The following DCC variants were observed in gnomAD, a reference collection of about 807,000 sequenced individuals.
DCC encodes netrin receptor DCC.
A neutral mutation model predicts 172.5 loss-of-function variants in DCC; 58 were observed. The ratio of observed to expected loss-of-function variants is 0.34; its 90% CI spans 0.27 to 0.42. The LOEUF (loss-of-function observed/expected upper bound fraction) is 0.42. DCC is among the 10% of genes least tolerant of loss of function. DCC has a pLI of 1.00. For missense variants in DCC, 1,740 were observed against 1,791.0 expected (o/e 0.97, Z 0.51); for synonymous variants, 709 against 644.5 (o/e 1.10, Z -1.52).
At chr18:53,268,091 A>G (rs1306038080) in intron 12 of DCC, among the ~76,000 whole-genome samples, 1 of 152,156 alleles carries the variant, frequency 6.6e-6, no homozygotes, top group African/African-American at 2.4e-5. Flanking sequence ...TTCCACTTGA[A>G]CACAGGCAGC....
intron 3 of DCC, among the ~76,000 whole-genome samples, chr18:52,921,728 T>TA (rs1176004105): frequency 9.7e-6 from 1 of 103,016 alleles, no homozygotes; most frequent in Non-Finnish European, 2.2e-5. Flanking sequence ...AATAATAATA[T>TA]ATATAAATGA....
At chr18:52,776,545 G>A (rs12959682) in intron 2 of DCC, among the ~76,000 whole-genome samples, 1,835 of 152,134 alleles carry the variant, frequency 0.012, 10 homozygotes, top group Non-Finnish European at 0.019. Flanking sequence ...GGGGAAGGAC[G>A]TTTACAAATA....
intron 1 of DCC, among the ~76,000 whole-genome samples, chr18:52,426,669 T>C (rs866128649): frequency 5.3e-5 from 8 of 152,068 alleles, no homozygotes; most frequent in South Asian, 2.1e-4. Flanking sequence ...CTGTTTGATC[T>C]GCTTTAGTTA....
chr18:52,535,520 G>T (rs1055652006), intron 1 of DCC, among the ~76,000 whole-genome samples: 1 of 152,206 alleles, frequency 6.6e-6, no homozygotes, highest in Admixed American at 6.5e-5. Context: ...TGTGAAGCTT[G>T]TGGGCAGACA....
chr18:52,696,472 A>G (rs1363794930), intron 1 of DCC, among the ~76,000 whole-genome samples: 2 of 152,250 alleles, frequency 1.3e-5, no homozygotes, highest in East Asian at 3.8e-4. Flanking sequence ...TGCCATCTTC[A>G]TAAAAAACAA....
intron 2 of DCC, among the ~76,000 whole-genome samples, chr18:52,830,581 CTAA>C (rs147161275): frequency 0.084 from 12,822 of 152,188 alleles, 649 homozygotes; most frequent in Middle Eastern, 0.14. Flanking sequence ...TTCTAATAGA[CTAA>C]TACCTATTAC....
intron 15 of DCC, among the ~76,000 whole-genome samples, chr18:53,355,554 C>A (rs2144917332): frequency 6.6e-6 from 1 of 152,228 alleles, no homozygotes; most frequent in Middle Eastern, 3.4e-3. Flanking sequence ...TGGGAGTTCA[C>A]TCATGATTTG....
chr18:52,575,502 C>T (rs2033387326), intron 1 of DCC, among the ~76,000 whole-genome samples: 1 of 152,146 alleles, frequency 6.6e-6, no homozygotes, highest in African/African-American at 2.4e-5. Context: ...ATCAGTTGGA[C>T]AGAAATTTTC....
At chr18:53,433,916 T>G (rs1911786574) in intron 21 of DCC, among the ~76,000 whole-genome samples, 1 of 152,216 alleles carries the variant, frequency 6.6e-6, no homozygotes, top group Admixed American at 6.5e-5. Context: ...TCTTATTGCT[T>G]GCTAGAAATT....
chr18:52,413,808 T>A (rs1413884206), intron 1 of DCC, among the ~76,000 whole-genome samples: 5 of 152,158 alleles, frequency 3.3e-5, no homozygotes, highest in African/African-American at 4.8e-5. Context: ...GAGAAATGTT[T>A]GTGAGTTTCG....
intron 2 of DCC, among the ~76,000 whole-genome samples, chr18:52,903,983 C>G (rs2039844839): frequency 6.6e-6 from 1 of 152,188 alleles, no homozygotes; most frequent in Non-Finnish European, 1.5e-5. Context: ...TCGTTCTTCA[C>G]CCAGTGGTAG....
intron 1 of DCC, among the ~76,000 whole-genome samples, chr18:52,514,226 T>A (rs561763365): frequency 6.8e-6 from 1 of 147,694 alleles, no homozygotes; most frequent in East Asian, 2.0e-4. Flanking sequence ...TGCATGTATA[T>A]GTGTGTGTAT....
chr18:53,470,905 C>A (rs1368230758), intron 25 of DCC, among the ~76,000 whole-genome samples: 1 of 152,194 alleles, frequency 6.6e-6, no homozygotes, highest in Non-Finnish European at 1.5e-5. Context: ...GGTGGGGACA[C>A]AGAGCCAAAT....
At chr18:52,610,224 T>TAA (rs2034245171) in intron 1 of DCC, among the ~76,000 whole-genome samples, 2 of 78,674 alleles carry the variant, frequency 2.5e-5, no homozygotes, top group African/African-American at 1.1e-4. Flanking sequence ...TATATATATA[T>TAA]ATAAAATTAG....
intron 1 of DCC, among the ~76,000 whole-genome samples, chr18:52,508,429 A>G (rs2031315062): frequency 6.6e-6 from 1 of 152,238 alleles, no homozygotes. Context: ...ATATAATTTC[A>G]GATTACACAG....
Position 52,790,001 on chromosome 18 carries a change from G to A in DCC, c.412+37627G>A, listed in dbSNP as rs189233568. ...ACTGCTCTCAAGATCAGAGCTTAAG[G>A]TATTTTGTAAACACTGTCATTGATA... is the stretch of plus-strand genomic sequence containing the variant. On this transcript the variant is annotated intron_variant, in intron 2 of 28. Transcript: ENST00000442544. Among the ~76,000 whole-genome samples, 296 of 152,170 alleles carry A rather than the reference G, an allele frequency of 1.9e-3. 2 individuals carry two copies. The highest frequency in any genetic ancestry group is 6.1e-3 in the African/African-American group (255 of 41,514).
chr18:52,977,610 G>C (rs966820854), intron 5 of DCC, among the ~76,000 whole-genome samples: 25 of 152,146 alleles, frequency 1.6e-4, no homozygotes, highest in African/African-American at 5.3e-4. Flanking sequence ...TCTGGGCCGG[G>C]CGCAGTGGCT....
chr18:53,096,818 C>T lies in DCC; in HGVS notation c.1261+30652C>T, dbSNP rs138416510. Among the ~76,000 whole-genome samples the T allele has an allele frequency of 1.4e-3, 214 of 152,198 alleles. 1 individual carries two copies. The highest frequency in any genetic ancestry group is 5.1e-3 in the African/African-American group (211 of 41,532). On this transcript the variant is annotated intron_variant, in intron 7 of 28. Coordinates refer to ENST00000442544, the MANE Select transcript of DCC (RefSeq NM_005215.4). ...ATATGATAATTATTATTATGATCCT[C>T]GTCTGTGATAGCATTACCATAATTA...
intron 12 of DCC, among the ~76,000 whole-genome samples, chr18:53,247,400 C>G (rs1335501838): frequency 6.6e-6 from 1 of 151,932 alleles, no homozygotes; most frequent in Non-Finnish European, 1.5e-5. Flanking sequence ...GTGGCTATTT[C>G]CAGGAAAATT....
Sources: allele counts gnomAD v4.1 joint callset (sites outside exome capture counted in the v4.1 genomes callset), GRCh38; gene constraint gnomAD v4.1.1; transcripts MANE v1.5; gene names NCBI Gene and HGNC (gene_info 2026-07-23, HGNC 2026-07-21).